The following ZCCHC7 variants were observed in gnomAD, a reference collection of about 807,000 sequenced individuals.
ZCCHC7 encodes zinc finger CCHC domain-containing protein 7.
In ZCCHC7, 35 loss-of-function variants were observed where a neutral mutation model predicts 52.0. The ratio of observed to expected loss-of-function variants is 0.67; its 90% confidence interval spans 0.51 to 0.89. The LOEUF (loss-of-function observed/expected upper bound fraction) is 0.89. Among genes scored for constraint, ZCCHC7 ranks in the 40% least tolerant of loss-of-function variants. ZCCHC7 has a pLI of 0.00. For missense variants in ZCCHC7, 574 were observed against 649.1 expected (o/e 0.88, Z 1.26); for synonymous variants, 217 against 221.5 (o/e 0.98, Z 0.18).
At chr9:37,221,951 T>A (rs182614959) in intron 2 of ZCCHC7, among the ~76,000 whole-genome samples, 1 of 152,156 alleles carries the variant, frequency 6.6e-6, no homozygotes, top group Admixed American at 6.5e-5. Flanking sequence ...AAAGATTCAT[T>A]TTCAATAGCA....
chr9:37,290,573 T>C (rs192501782), intron 2 of ZCCHC7, among the ~76,000 whole-genome samples: 3 of 152,162 alleles, frequency 2.0e-5, no homozygotes, highest in East Asian at 1.9e-4. Flanking sequence ...GGAGGATTGT[T>C]TGCACCCGGG....
chr9:37,336,327 T>C (rs1830656128), intron 6 of ZCCHC7, among the ~76,000 whole-genome samples: 2 of 152,292 alleles, frequency 1.3e-5, no homozygotes, highest in South Asian at 4.1e-4. Context: ...GCATTCCTAT[T>C]TCATGTTTGT....
chr9:37,296,104 T>C (rs1828771294), intron 2 of ZCCHC7, among the ~76,000 whole-genome samples: 1 of 152,184 alleles, frequency 6.6e-6, no homozygotes, highest in Admixed American at 6.5e-5. Flanking sequence ...CCAGCCTAAA[T>C]ACATTGATTT....
intron 2 of ZCCHC7, among the ~76,000 whole-genome samples, chr9:37,190,233 C>T (rs1822947031): frequency 6.6e-6 from 1 of 152,158 alleles, no homozygotes; most frequent in Non-Finnish European, 1.5e-5. Flanking sequence ...GCTGTCACTG[C>T]TTCCACCACC....
chr9:37,162,199 T>C (rs1217701240), intron 2 of ZCCHC7, among the ~76,000 whole-genome samples: 1 of 152,026 alleles, frequency 6.6e-6, no homozygotes, highest in Non-Finnish European at 1.5e-5. Context: ...ATACTACATA[T>C]AATACATAGA....
intron 2 of ZCCHC7, among the ~76,000 whole-genome samples, chr9:37,192,001 ATTCTCT>A (rs1178557629): frequency 1.3e-5 from 2 of 152,254 alleles, no homozygotes; most frequent in African/African-American, 4.8e-5. Flanking sequence ...AGAGCTAAAA[ATTCTCT>A]TTCTAGCAAC....
intron 2 of ZCCHC7, among the ~76,000 whole-genome samples, chr9:37,201,110 A>G (rs1823608708): frequency 6.6e-6 from 1 of 152,200 alleles, no homozygotes; most frequent in Non-Finnish European, 1.5e-5. Flanking sequence ...AATGAAGAAG[A>G]TATTAGTGAG....
At chr9:37,316,908 C>A (rs1332281145) in intron 5 of ZCCHC7, among the ~76,000 whole-genome samples, 2 of 145,578 alleles carry the variant, frequency 1.4e-5, no homozygotes, top group African/African-American at 2.6e-5. Flanking sequence ...AAAAAAATTG[C>A]AGGCATATAT....
chr9:37,163,852 T>A (rs928481764), intron 2 of ZCCHC7, among the ~76,000 whole-genome samples: 59 of 152,340 alleles, frequency 3.9e-4, no homozygotes, highest in African/African-American at 1.3e-3. Flanking sequence ...AGTTAATTTT[T>A]ATATGATGTG....
intron 2 of ZCCHC7, among the ~76,000 whole-genome samples, chr9:37,213,396 G>T (rs1824340778): frequency 6.6e-6 from 1 of 152,102 alleles, no homozygotes; most frequent in South Asian, 2.1e-4. Context: ...AATTATATTG[G>T]TAAATATGTT....
chr9:37,288,837 A>T (rs1029359085), intron 2 of ZCCHC7, among the ~76,000 whole-genome samples: 1 of 152,042 alleles, frequency 6.6e-6, no homozygotes, highest in Non-Finnish European at 1.5e-5. Flanking sequence ...CTCATGTTCT[A>T]TCCTTTCTCT....
intron 1 of ZCCHC7, 23 bp from the exon 2 acceptor site, chr9:37,126,289 G>C (rs1415778206): frequency 6.4e-7 from 1 of 1,573,326 alleles, no homozygotes; most frequent in East Asian, 2.2e-5. Flanking sequence ...AGTATATTCT[G>C]TGTACAACTT....
rs373313767 is a variant in ZCCHC7 at position 37,195,370 on chromosome 9, C to T, written c.610+68428C>T. ...ATAACTGTTATTTAGCCACTAGGGA[C>T]GTTGCAGAAGAAACTACAAAATAAA... On this transcript the variant is annotated intron_variant, in intron 2 of 8. Coordinates refer to ENST00000336755, the MANE Select transcript of ZCCHC7 (RefSeq NM_032226.3). Among the ~76,000 whole-genome samples, 15 of 152,258 alleles carry T rather than the reference C, an allele frequency of 9.9e-5. No homozygotes were observed. In the East Asian group the frequency reaches 1.7e-3, roughly 18 times the overall value.
intron 6 of ZCCHC7, among the ~76,000 whole-genome samples, chr9:37,343,090 A>G (rs1236771200): frequency 6.6e-6 from 1 of 152,246 alleles, no homozygotes; most frequent in Non-Finnish European, 1.5e-5. Flanking sequence ...GTCTCTGTGA[A>G]CACGAGAATC....
chr9:37,255,469 A>G (rs1826541377), intron 2 of ZCCHC7, among the ~76,000 whole-genome samples: 1 of 152,112 alleles, frequency 6.6e-6, no homozygotes, highest in South Asian at 2.1e-4. Flanking sequence ...ACAGTGCAAG[A>G]TTTCATCATG....
intron 2 of ZCCHC7, among the ~76,000 whole-genome samples, chr9:37,247,061 C>A (rs764926256): frequency 2.6e-5 from 4 of 152,220 alleles, no homozygotes; most frequent in Admixed American, 2.0e-4. Context: ...ATTTTGTTAT[C>A]TTTGACAGAT....
chr9:37,204,613 T>C (rs2133180536), intron 2 of ZCCHC7, among the ~76,000 whole-genome samples: 1 of 152,286 alleles, frequency 6.6e-6, no homozygotes, highest in Non-Finnish European at 1.5e-5. Flanking sequence ...GATCAGATGG[T>C]TGTAGATGTG....
At chr9:37,253,766 C>A (rs968519840) in intron 2 of ZCCHC7, among the ~76,000 whole-genome samples, 1 of 151,762 alleles carries the variant, frequency 6.6e-6, no homozygotes, top group Admixed American at 6.6e-5. Context: ...AAAACAAAAC[C>A]GTTTTTATGA....
At chr9:37,348,067 C>G (rs766907983) in intron 6 of ZCCHC7, among the ~76,000 whole-genome samples, 1 of 152,186 alleles carries the variant, frequency 6.6e-6, no homozygotes, top group Non-Finnish European at 1.5e-5. Flanking sequence ...CCTGTCCACT[C>G]TAGTGATTTC....
Sources: gnomAD v4.1 joint callset for allele counts (sites outside exome capture counted in the v4.1 genomes callset) on GRCh38, gnomAD v4.1.1 for gene constraint, MANE v1.5 for transcripts, NCBI Gene and HGNC (gene_info 2026-07-23, HGNC 2026-07-21) for gene names.